The following PRKCA variants were observed in gnomAD, a reference collection of about 807,000 sequenced individuals.
PRKCA encodes the protein protein kinase C alpha type.
PRKCA carries 27 observed loss-of-function variants against 87.0 expected under a neutral mutation model. That is an observed-to-expected ratio of 0.31 (90% CI 0.23 to 0.43). The LOEUF is 0.43. PRKCA is among the 20% of genes least tolerant of loss of function. The probability of loss-of-function intolerance (pLI) is 1.00; values close to 1 mark genes in which losing one functional copy is unlikely to be tolerated. For synonymous variants in PRKCA, 329 were observed against 311.1 expected, an observed-to-expected ratio of 1.06 and a Z score of -0.61; for missense variants, 518 against 852.3, an observed-to-expected ratio of 0.61 and a Z score of 4.88.
At chr17:66,703,051 A>G (rs1388142172) in intron 8 of PRKCA, among the ~76,000 whole-genome samples, 1 of 152,186 alleles carries the variant, frequency 6.6e-6, no homozygotes, top group African/African-American at 2.4e-5. Context: ...TGGTGAGGGA[A>G]TGTGCCAGAA....
intron 2 of PRKCA, among the ~76,000 whole-genome samples, chr17:66,353,845 G>A (rs946995104): frequency 2.0e-5 from 3 of 152,130 alleles, no homozygotes; most frequent in Admixed American, 6.5e-5. Context: ...GCTGCAAACA[G>A]GTATCTTGCT....
At chr17:66,772,596 C>A (rs986578060) in intron 13 of PRKCA, among the ~76,000 whole-genome samples, 6 of 152,054 alleles carry the variant, frequency 3.9e-5, no homozygotes, top group African/African-American at 1.2e-4. Flanking sequence ...GACCTTGAAT[C>A]CTGGCATGTG....
At chr17:66,731,076 C>T (rs1040052257) in intron 8 of PRKCA, among the ~76,000 whole-genome samples, 2 of 152,024 alleles carry the variant, frequency 1.3e-5, no homozygotes, top group Non-Finnish European at 2.9e-5. Flanking sequence ...AATGGGCAGG[C>T]GTGGTGGCTC....
chr17:66,799,954 T>C (rs954256052), intron 16 of PRKCA, among the ~76,000 whole-genome samples: 7 of 152,042 alleles, frequency 4.6e-5, no homozygotes, highest in African/African-American at 1.7e-4. Flanking sequence ...TGGTTTGATC[T>C]CCCTCAGAAT....
At chr17:66,477,512 C>T (rs573694230) in intron 2 of PRKCA, among the ~76,000 whole-genome samples, 2 of 152,196 alleles carry the variant, frequency 1.3e-5, no homozygotes, top group Admixed American at 6.5e-5. Context: ...CAAGCCTGGC[C>T]AACACGGTGA....
At chr17:66,351,554 T>C (rs571641937) in intron 2 of PRKCA, among the ~76,000 whole-genome samples, 1 of 152,274 alleles carries the variant, frequency 6.6e-6, no homozygotes, top group East Asian at 1.9e-4. Context: ...TTGGGAAACA[T>C]AAAAAATAGA....
chr17:66,797,776 T>C (rs1282849309), intron 16 of PRKCA, among the ~76,000 whole-genome samples: 3 of 152,220 alleles, frequency 2.0e-5, no homozygotes, highest in Admixed American at 2.0e-4. Flanking sequence ...CGCTGACTGG[T>C]TGGGTCTGAC....
chr17:66,489,404 C>G (rs1916133031), intron 2 of PRKCA, among the ~76,000 whole-genome samples: 1 of 138,238 alleles, frequency 7.2e-6, no homozygotes, highest in Admixed American at 7.3e-5. Context: ...TATTTCCCCC[C>G]TCAATGAATA....
At chr17:66,493,263 A>G (rs561685758) in intron 2 of PRKCA, among the ~76,000 whole-genome samples, 5 of 150,824 alleles carry the variant, frequency 3.3e-5, no homozygotes, top group African/African-American at 9.8e-5. Flanking sequence ...TGAGTTGTAT[A>G]TATGTGTATA....
chr17:66,653,810 C>CAAA (rs1491064107), intron 5 of PRKCA, among the ~76,000 whole-genome samples: 1 of 80,502 alleles, frequency 1.2e-5, no homozygotes, highest in African/African-American at 3.8e-5. Context: ...AAAAAAAAAA[C>CAAA]AAAACCAACA....
intron 3 of PRKCA, among the ~76,000 whole-genome samples, chr17:66,556,977 T>A (rs1178088332): frequency 1.3e-5 from 2 of 152,048 alleles, no homozygotes; most frequent in Admixed American, 6.5e-5. Flanking sequence ...GCAATTTGGG[T>A]CAATGGAGGA....
intron 4 of PRKCA, among the ~76,000 whole-genome samples, chr17:66,641,903 C>G (rs1171846874): frequency 6.6e-6 from 1 of 152,098 alleles, no homozygotes; most frequent in Admixed American, 6.5e-5. Flanking sequence ...CCAGTAGGCT[C>G]TTCTTAAAAC....
At chr17:66,374,756 C>G (rs1262644328) in intron 2 of PRKCA, among the ~76,000 whole-genome samples, 2 of 123,540 alleles carry the variant, frequency 1.6e-5, no homozygotes, top group Non-Finnish European at 3.2e-5. Context: ...GAGACACGGT[C>G]TTGCTCTGTC....
chr17:66,439,028 T>A (rs1913566995), intron 2 of PRKCA, among the ~76,000 whole-genome samples: 2 of 152,102 alleles, frequency 1.3e-5, no homozygotes, highest in Non-Finnish European at 2.9e-5. Flanking sequence ...TAATGGCCTG[T>A]CATCATTATT....
At chr17:66,714,227 C>T (rs975092407) in intron 8 of PRKCA, among the ~76,000 whole-genome samples, 1 of 151,836 alleles carries the variant, frequency 6.6e-6, no homozygotes, top group African/African-American at 2.4e-5. Context: ...CCCCCACCCG[C>T]TGCTTCCTTT....
intron 2 of PRKCA, among the ~76,000 whole-genome samples, chr17:66,309,852 G>A (rs759251735): frequency 3.3e-5 from 5 of 152,144 alleles, no homozygotes; most frequent in Admixed American, 3.3e-4. Context: ...GTGTGGTATG[G>A]ACATTGATGA....
rs1179906812 is a variant in PRKCA at position 66,669,279 on chromosome 17, A to G, written c.530-17832A>G. 2.0e-5 allele frequency among the ~76,000 whole-genome samples: 3 copies of G among 152,218 alleles called. No homozygotes were observed. The South Asian group carries it at 6.2e-4, about 32-fold the overall frequency. On this transcript the variant is annotated intron_variant, in intron 5 of 16. Transcript: ENST00000413366. ...ATGCCAGTTTCCAGTAAGGAAATTT[A>G]TAGTACATAATTAAAATCTTTGTGG...
At chr17:66,797,173 T>C (rs896751204) in intron 16 of PRKCA, among the ~76,000 whole-genome samples, 1 of 152,124 alleles carries the variant, frequency 6.6e-6, no homozygotes, top group Non-Finnish European at 1.5e-5. Context: ...CGAAGCCAAC[T>C]CCTGCATTGC....
chr17:66,540,557 G>T (rs962668317), intron 3 of PRKCA, among the ~76,000 whole-genome samples: 1 of 152,184 alleles, frequency 6.6e-6, no homozygotes, highest in African/African-American at 2.4e-5. Flanking sequence ...AGCAGCACTC[G>T]GAGTGGAGTG....
Sources: allele counts gnomAD v4.1 joint callset (sites outside exome capture counted in the v4.1 genomes callset), GRCh38; gene constraint gnomAD v4.1.1; transcripts MANE v1.5; gene names NCBI Gene and HGNC (gene_info 2026-07-23, HGNC 2026-07-21).